Variants in PRKDC observed in about 807,000 individuals in gnomAD.
PRKDC encodes the protein protein kinase, DNA-activated, catalytic subunit, also known as DNA-dependent protein kinase catalytic subunit.
PRKDC carries 82 observed loss-of-function variants against 486.9 expected under a neutral mutation model. The observed-to-expected ratio is 0.17, with a 90% CI of 0.14 to 0.20. The LOEUF (loss-of-function observed/expected upper bound fraction) is 0.20. Among genes scored for constraint, PRKDC ranks in the 10% least tolerant of loss-of-function variants. The pLI is 1.00. For synonymous variants in PRKDC, 1,895 were observed against 1,837.0 expected (o/e 1.03, Z -0.81); for missense variants, 4,504 against 5,038.2 (o/e 0.89, Z 3.21).
chr8:47,892,195 A>C, intron 31 of PRKDC, among the ~76,000 whole-genome samples: 1 of 152,106 alleles, frequency 6.6e-6, no homozygotes, highest in East Asian at 1.9e-4. Context: ...TAATACTAAA[A>C]TCTATACGTA....
chr8:47,899,395 C>G lies in PRKDC; in HGVS notation c.3365-826G>C, dbSNP rs553562082. Among the ~76,000 whole-genome samples, 22 of 152,294 alleles carry G rather than the reference C, an allele frequency of 1.4e-4. No individual in the cohort carries two copies. The East Asian group carries it at 4.2e-3, about 29-fold the overall frequency. Reference sequence around the variant, plus strand: ...GCGCAGTGGCTCATGCCTGTAATCCCAGCATTTTGGGAGGCTGAGGCAGGT... The same window carrying G: ...GCGCAGTGGCTCATGCCTGTAATCCGAGCATTTTGGGAGGCTGAGGCAGGT... On this transcript the variant is annotated intron_variant, in intron 28 of 85. Coordinates refer to ENST00000314191, the MANE Select transcript of PRKDC (RefSeq NM_006904.7).
intron 67 of PRKDC, among the ~76,000 whole-genome samples, chr8:47,819,089 C>A (rs965152364): frequency 2.0e-5 from 3 of 152,212 alleles, no homozygotes; most frequent in Non-Finnish European, 2.9e-5. Flanking sequence ...GAGTCCTGCA[C>A]CCTCTCAGGC....
chr8:47,823,917 T>C lies in PRKDC; in HGVS notation c.8863A>G (p.Ser2955Gly). 6.2e-7 allele frequency: 1 copy of C among 1,613,932 alleles called. No individual in the cohort carries two copies. Among genetic ancestry groups the C allele is most frequent in the Admixed American group, 1.7e-5 (1 of 60,024 alleles). The change falls in exon 64 of 86, where the codon AGT becomes GGT. Residue 2955 changes from serine (S) to glycine (G), a missense_variant. Physicochemically the swap from Ser to Gly is moderately conservative, Grantham distance 56 (BLOSUM62 0). Around this residue, in one of 6 missense-constraint regions of PRKDC, gnomAD observed 1,592 missense variants for 1,724.6 expected, o/e 0.92. Coordinates refer to ENST00000314191, the MANE Select transcript of PRKDC (RefSeq NM_006904.7). ...CTTCTGGCTTCTGCTAATAATGCAC[T>C]CTGAGTGATTTGCTTTGTTCCTATC... ...SEIGTKQITQ[S>G]ALLAEARSDY... is the part of the protein sequence containing the mutation.
chr8:47,851,729 C>A (rs1308065241), intron 52 of PRKDC, among the ~76,000 whole-genome samples: 1 of 152,202 alleles, frequency 6.6e-6, no homozygotes, highest in Admixed American at 6.5e-5. Context: ...GAGGCCAAAG[C>A]CGAGCTGTGG....
intron 36 of PRKDC, among the ~76,000 whole-genome samples, chr8:47,882,910 T>C (rs920965966): frequency 6.6e-6 from 1 of 152,242 alleles, no homozygotes; most frequent in Admixed American, 6.5e-5. Context: ...AGTTATGAAA[T>C]TGCTGCAAGC....
intron 13 of PRKDC, 116 bp downstream of exon 13, chr8:47,935,616 T>A: frequency 8.3e-7 from 1 of 1,205,234 alleles, no homozygotes; most frequent in Non-Finnish European, 1.1e-6. Flanking sequence ...AATTTAGGAG[T>A]TCAAAAGTTG....
Position 47,879,558 on chromosome 8 carries a change from G to A in PRKDC, c.5168C>T (p.Pro1723Leu). ...VLEQLIVAHF[P>L]MQSREFPPGT... is the part of the protein sequence containing the mutation. ...TGGAGGAAATTCCCTGGACTGCATG[G>A]GGAAGTGAGCAACGATGAGCTGCTC... The change falls in exon 39 of 86, where the codon CCC (proline) becomes CTC (leucine). Residue 1723 changes from proline to leucine, a missense_variant. Transcript: ENST00000314191. 1 of 1,598,498 alleles carries A rather than the reference G, an allele frequency of 6.3e-7. No homozygotes were observed. Among genetic ancestry groups the A allele is most frequent in the Non-Finnish European group, 8.5e-7 (1 of 1,172,160 alleles).
intron 11 of PRKDC, 81 bp from the exon 12 acceptor site, chr8:47,936,598 G>C: frequency 2.7e-6 from 4 of 1,487,266 alleles, no homozygotes; most frequent in Non-Finnish European, 3.7e-6. Context: ...TAAGCCATGT[G>C]ATTATAAACA....
intron 38 of PRKDC, among the ~76,000 whole-genome samples, 176 bp from the exon 39 acceptor site, chr8:47,879,834 CTTTTTTTTT>C (rs759336069): frequency 1.0e-5 from 1 of 99,202 alleles, no homozygotes; most frequent in African/African-American, 4.1e-5. Flanking sequence ...TATACCTCAG[CTTTTTTTTT>C]TTTTTTTTTT....
Position 47,943,869 on chromosome 8 carries a change from T to C in PRKDC, c.792A>G (p.Arg264=), listed in dbSNP as rs2090486192. ...KAIRPQIDLK[R]YAVPSAGLRL... ...GAATCCTACCTGAGGGCACAGCATATCTCTTCAGATCAATCTATTTTAGAA... is the reference window on the plus strand; with the variant it reads ...GAATCCTACCTGAGGGCACAGCATACCTCTTCAGATCAATCTATTTTAGAA... The change falls in exon 9 of 86, where the codon AGA becomes AGG. Residue 264 remains arginine (R), a synonymous_variant. Coordinates refer to ENST00000314191, the MANE Select transcript of PRKDC (RefSeq NM_006904.7). 3 of 1,592,762 alleles carry C rather than the reference T, an allele frequency of 1.9e-6. No individual in the cohort carries two copies. Among genetic ancestry groups the C allele is most frequent in the African/African-American group, 2.7e-5 (2 of 74,312 alleles).
intron 22 of PRKDC, among the ~76,000 whole-genome samples, 174 bp from the exon 23 acceptor site, chr8:47,915,592 G>A (rs2089971189): frequency 6.6e-6 from 1 of 152,214 alleles, no homozygotes; most frequent in Admixed American, 6.5e-5. Flanking sequence ...CCCCCAAAGA[G>A]CTGTTTTATG....
At chr8:47,951,368 A>G (rs2090622355) in intron 7 of PRKDC, among the ~76,000 whole-genome samples, 1 of 151,824 alleles carries the variant, frequency 6.6e-6, no homozygotes, top group Non-Finnish European at 1.5e-5. Flanking sequence ...CTCAGAAAAA[A>G]AAAAGAAAAG....
intron 30 of PRKDC, among the ~76,000 whole-genome samples, chr8:47,895,871 T>C (rs1462756345): frequency 6.6e-6 from 1 of 152,122 alleles, no homozygotes; most frequent in African/African-American, 2.4e-5. Flanking sequence ...AAACCCCGTC[T>C]CTACTAAAAA....
chr8:47,934,110 G>T lies in PRKDC; in HGVS notation c.1498-20C>A. The T allele has an allele frequency of 6.2e-7, 1 of 1,607,930 alleles. No individual in the cohort carries two copies. The highest frequency in any genetic ancestry group is 8.5e-7 in the Non-Finnish European group (1 of 1,177,016). On this transcript the variant is annotated intron_variant, in intron 14 of 85. Coordinates refer to ENST00000314191, the MANE Select transcript of PRKDC (RefSeq NM_006904.7). ...AGGGCCCTGGCCAGAAAGACAGCAT[G>T]ACAATATGTAGTGATGGATTCTCAG...
intron 69 of PRKDC, among the ~76,000 whole-genome samples, chr8:47,806,346 C>T (rs965190735): frequency 3.9e-5 from 6 of 152,210 alleles, no homozygotes; most frequent in Non-Finnish European, 5.9e-5. Flanking sequence ...CAGTTCAGAT[C>T]GCCCCTTCTG....
At position 47,934,022 on chromosome 8, in the gene PRKDC, G is replaced by C. The variant is rs368756533; in HGVS notation, c.1566C>G (p.Pro522=). 3.7e-6 allele frequency: 6 copies of C among 1,613,540 alleles called. No individual in the cohort carries two copies. Among genetic ancestry groups the C allele is most frequent in the Admixed American group, 1.7e-5 (1 of 59,992 alleles). The part of the protein sequence containing the change: ...GEVRTGKWKV[P]TYKDYVDLFR... ...AGAGATCCACGTAGTCTTTGTATGT[G>C]GGCACCTTCCATTTGCCAGTTCTGA... is the stretch of plus-strand genomic sequence containing the variant. The change falls in exon 15 of 86, where the codon CCC becomes CCG. Residue 522 remains proline, a synonymous_variant. Transcript: ENST00000314191.
chr8:47,916,898 C>T (rs986620062), intron 22 of PRKDC, among the ~76,000 whole-genome samples: 1 of 152,150 alleles, frequency 6.6e-6, no homozygotes, highest in South Asian at 2.1e-4. Flanking sequence ...TGGCCTTGCA[C>T]CCTGGATCCC....
At chr8:47,798,147 C>A in intron 73 of PRKDC, 90 bp downstream of exon 73, 1 of 1,326,624 alleles carries the variant, frequency 7.5e-7, no homozygotes, top group South Asian at 1.4e-5. Context: ...ATAATACATG[C>A]ACTGCACACA....
chr8:47,776,784 C>T, intron 85 of PRKDC, 60 bp downstream of exon 85: 1 of 1,587,452 alleles, frequency 6.3e-7, no homozygotes, highest in Admixed American at 1.8e-5. Context: ...TATGTTGGCT[C>T]CTCGAGAAAC....
Sources: allele counts gnomAD v4.1 joint callset (sites outside exome capture counted in the v4.1 genomes callset), GRCh38; gene constraint gnomAD v4.1.1; regional missense constraint gnomAD v4.1.1; transcripts MANE v1.5; gene names NCBI Gene and HGNC (gene_info 2026-07-23, HGNC 2026-07-21).